Variants in CCDC12 observed in about 807,000 individuals in gnomAD.
CCDC12 encodes the protein coiled-coil domain containing 12, also known as coiled-coil domain-containing protein 12.
Under a neutral mutation model 25.7 loss-of-function variants are expected in CCDC12, and 28 were observed. The observed-to-expected ratio is 1.09, with a 90% confidence interval of 0.81 to 1.50. The LOEUF is 1.50. CCDC12 is among the 40% of genes most tolerant of loss of function. CCDC12 has a pLI of 0.00. For synonymous variants in CCDC12, 75 were observed against 87.7 expected, an observed-to-expected ratio of 0.86 and a Z score of 0.81; for missense variants, 198 against 210.0, an observed-to-expected ratio of 0.94 and a Z score of 0.35.
At chr3:46,955,281 A>G (rs994985822) in intron 1 of CCDC12, among the ~76,000 whole-genome samples, 4 of 152,218 alleles carry the variant, frequency 2.6e-5, no homozygotes, top group Non-Finnish European at 5.9e-5. Context: ...TTGCTTCTTC[A>G]TTTGAATGTT....
chr3:46,962,849 T>C (rs1160509917), intron 1 of CCDC12, among the ~76,000 whole-genome samples: 1 of 152,178 alleles, frequency 6.6e-6, no homozygotes, highest in Admixed American at 6.5e-5. Flanking sequence ...GCCTAGCAAT[T>C]CCACTCCTAG....
At chr3:46,975,320 GATTACAGGTGCCTGCC>G (rs1189229430) in intron 1 of CCDC12, among the ~76,000 whole-genome samples, 1 of 151,600 alleles carries the variant, frequency 6.6e-6, no homozygotes, top group Non-Finnish European at 1.5e-5. Flanking sequence ...GAGTAACTGG[GATTACAGGTGCCTGCC>G]ACCACACCTG....
Position 46,947,275 on chromosome 3 carries a change from T to C in CCDC12, c.97-6210A>G, listed in dbSNP as rs116628763. ...GCAAAAGAGATGGGCACATAGTGCCTGAAGGTGACAGGAAGAGACAGACAA... is the reference window on the plus strand; with the variant it reads ...GCAAAAGAGATGGGCACATAGTGCCCGAAGGTGACAGGAAGAGACAGACAA... On this transcript the variant is annotated intron_variant, in intron 1 of 6. Transcript: ENST00000683445. 3.7e-3 allele frequency among the ~76,000 whole-genome samples: 565 copies of C among 152,336 alleles called. 4 individuals are homozygous for C. Among genetic ancestry groups the C allele is most frequent in the African/African-American group, 0.013 (540 of 41,562 alleles).
chr3:46,977,062 G>A (rs1388000233), upstream of CCDC12: 1 of 379,574 alleles, frequency 2.6e-6, no homozygotes, highest in Non-Finnish European at 4.8e-6. Context: ...AGAAAAGAGT[G>A]CGTCGATCGC....
At chr3:46,926,981 A>C (rs371920883) in intron 2 of CCDC12, among the ~76,000 whole-genome samples, 211 of 152,344 alleles carry the variant, frequency 1.4e-3, no homozygotes, top group African/African-American at 4.9e-3. Context: ...ACAGCTAGCA[A>C]GCGGCAGTGC....
At position 46,964,054 on chromosome 3, in the gene CCDC12, G is replaced by A. The variant is rs557529872; in HGVS notation, c.96+12583C>T. On this transcript the variant is annotated intron_variant, in intron 1 of 6. Transcript: ENST00000683445. ...ACCCATCGTCTGAGATGTGGGGAGC[G>A]CCTTTGCCCCGCCGCCCCGTCTGGG... 3.5e-4 allele frequency among the ~76,000 whole-genome samples: 52 copies of A among 150,034 alleles called. No individual in the cohort carries two copies. In the South Asian group the frequency reaches 0.011, roughly 32 times the overall value.
chr3:46,928,803 G>A (rs189457169), intron 2 of CCDC12, among the ~76,000 whole-genome samples: 107 of 152,278 alleles, frequency 7.0e-4, no homozygotes, highest in Admixed American at 2.1e-3. Context: ...GATCTCAGAC[G>A]GAAACATGGA....
At chr3:46,971,746 C>G (rs2034808620) in intron 1 of CCDC12, among the ~76,000 whole-genome samples, 1 of 152,178 alleles carries the variant, frequency 6.6e-6, no homozygotes, top group African/African-American at 2.4e-5. Flanking sequence ...AGTAAGAACT[C>G]AATGAAGGAC....
chr3:46,937,290 T>C (rs751205863), intron 2 of CCDC12, among the ~76,000 whole-genome samples: 4 of 152,320 alleles, frequency 2.6e-5, no homozygotes, highest in South Asian at 2.1e-4. Context: ...AACCCTACCA[T>C]CTGGATTCCA....
chr3:46,938,171 T>C (rs2033529964), intron 2 of CCDC12, among the ~76,000 whole-genome samples: 1 of 134,422 alleles, frequency 7.4e-6, no homozygotes, highest in Non-Finnish European at 1.6e-5. Context: ...ATGTCCAGCA[T>C]GGTTGGTCCC....
In CCDC12 at chr3:46,976,700, T is replaced by C. The variant is rs2035006835; in HGVS notation, c.33A>G (p.Leu11=). The change falls in exon 1 of 7, where the codon CTA becomes CTG. Residue 11 remains leucine (L), a synonymous_variant. Transcript: ENST00000683445. Reference sequence around the variant, plus strand: ...CCTTTCGCCGCAACGCCTCTTCCTCTAGCCGGCCCACACCAGCCGTAGTTG... The same window carrying C: ...CCTTTCGCCGCAACGCCTCTTCCTCCAGCCGGCCCACACCAGCCGTAGTTG... The part of the protein sequence containing the change: MEATTAGVGR[L]EEEALRRKER... 6.2e-7 allele frequency: 1 copy of C among 1,604,840 alleles called. No individual in the cohort carries two copies. Among genetic ancestry groups the C allele is most frequent in the Non-Finnish European group, 8.5e-7 (1 of 1,176,196 alleles).
chr3:46,925,600 C>T (rs920602320), intron 2 of CCDC12, 65 bp from the exon 3 acceptor site: 1 of 1,314,656 alleles, frequency 7.6e-7, no homozygotes, highest in Non-Finnish European at 1.0e-6. Flanking sequence ...TTCATTCATT[C>T]ATACAATTTG....
At chr3:46,968,862 A>C (rs1209482309) in intron 1 of CCDC12, among the ~76,000 whole-genome samples, 1 of 152,224 alleles carries the variant, frequency 6.6e-6, no homozygotes, top group Non-Finnish European at 1.5e-5. Flanking sequence ...CCTTCAGCCC[A>C]GGGTTTCCTG....
intron 1 of CCDC12, among the ~76,000 whole-genome samples, chr3:46,975,586 A>G (rs2107210602): frequency 7.6e-6 from 1 of 131,368 alleles, no homozygotes; most frequent in Non-Finnish European, 1.5e-5. Flanking sequence ...GCTGGAGTGC[A>G]GTGGCAGGAT....
chr3:46,981,960 G>A (rs1425264728), exon 1 of CCDC12: 2 of 152,316 alleles, frequency 1.3e-5, no homozygotes, highest in Non-Finnish European at 2.9e-5. Context: ...AGCATAGGCT[G>A]GCAGGTTGTA....
At chr3:46,931,559 T>C (rs956076248) in intron 2 of CCDC12, among the ~76,000 whole-genome samples, 3 of 152,124 alleles carry the variant, frequency 2.0e-5, no homozygotes, top group Non-Finnish European at 2.9e-5. Flanking sequence ...GCCTCCCTTC[T>C]CATCCCTTAT....
intron 1 of CCDC12, among the ~76,000 whole-genome samples, chr3:46,962,631 G>A (rs2034497724): frequency 5.3e-5 from 8 of 151,814 alleles, no homozygotes; most frequent in Admixed American, 5.2e-4. Context: ...ATAAACATAT[G>A]AAAAGATAAT....
chr3:46,936,640 C>CTT (rs2033452770), intron 2 of CCDC12, among the ~76,000 whole-genome samples: 1 of 152,168 alleles, frequency 6.6e-6, no homozygotes, highest in African/African-American at 2.4e-5. Flanking sequence ...CTCCATCTGT[C>CTT]TATGTCCTTT....
At chr3:46,979,402 T>A (rs1220673300), upstream of CCDC12, 1 of 153,108 alleles carries the variant, frequency 6.5e-6, no homozygotes. Context: ...CTTCCCTGAA[T>A]GGCGGCAAAT....
Sources: gnomAD v4.1 joint callset for allele counts (sites outside exome capture counted in the v4.1 genomes callset) on GRCh38, gnomAD v4.1.1 for gene constraint, MANE v1.5 for transcripts, NCBI Gene and HGNC (gene_info 2026-07-23, HGNC 2026-07-21) for gene names.